Variants in TEKT4 observed in about 807,000 individuals in gnomAD.
TEKT4 encodes the protein tektin-4.
In TEKT4, 46 loss-of-function variants were observed where a neutral mutation model predicts 46.0. The ratio of observed to expected loss-of-function variants is 1.00; its 90% CI spans 0.79 to 1.28. TEKT4 has a LOEUF of 1.28. Ranked by LOEUF, TEKT4 falls within the 50% of genes most tolerant of loss-of-function variation. The pLI, the probability that TEKT4 is intolerant of heterozygous loss-of-function variation, is 0.00. For synonymous variants in TEKT4, 325 were observed against 265.8 expected, an observed-to-expected ratio of 1.22 and a Z score of -2.17; for missense variants, 790 against 622.9, an observed-to-expected ratio of 1.27 and a Z score of -2.85.
intron 1 of TEKT4, chr2:94,873,313 A>G: frequency 7.0e-7 from 1 of 1,422,922 alleles, no homozygotes. Context: ...GCCCTGGAGG[A>G]AAACACCCCA....
chr2:94,873,065 A>G, intron 1 of TEKT4: 2 of 1,275,076 alleles, frequency 1.6e-6, no homozygotes, highest in Non-Finnish European at 2.0e-6. Context: ...CCAGGCAATA[A>G]GAAGAAACAC....
intron 1 of TEKT4, chr2:94,872,826 C>CCTGCACT: frequency 2.3e-6 from 3 of 1,289,440 alleles, no homozygotes; most frequent in Non-Finnish European, 3.0e-6. Flanking sequence ...GGCCCTTCCC[C>CCTGCACT]CTGCACTCTC....
At chr2:94,872,264 C>G in intron 1 of TEKT4, 187 bp downstream of exon 1, 1 of 699,652 alleles carries the variant, frequency 1.4e-6, no homozygotes, top group Non-Finnish European at 2.3e-6. Flanking sequence ...CCAGAAGACC[C>G]CTGACTTCCA....
chr2:94,871,860 G>A lies in TEKT4; in HGVS notation c.281G>A (p.Arg94Gln), dbSNP rs199695568. ...GACTCCACGCGCACAGTGGGCGAGC[G>A]ACTGCAGGACACGCACAGCTGGAAG... ...QQDSTRTVGE[R>Q]LQDTHSWKSE... Residue 94 changes from arginine to glutamine, a missense_variant, in exon 1 of 6, where the codon CGA (arginine) becomes CAA (glutamine). By Grantham distance (43) the Arg-to-Gln change is conservative. Transcript: ENST00000295201. 158 of 1,602,020 alleles carry A rather than the reference G, an allele frequency of 9.9e-5. No individual in the cohort carries two copies. The highest frequency in any genetic ancestry group is 2.2e-4 in the East Asian group (10 of 44,694).
At position 94,874,024 on chromosome 2, in the gene TEKT4, A is replaced by G. The variant is rs782788671; in HGVS notation, c.629A>G (p.Tyr210Cys). Residue 210 changes from tyrosine to cysteine, a missense_variant, in exon 3 of 6, where the codon TAC (tyrosine) becomes TGC (cysteine). Transcript: ENST00000295201. Reference sequence around the variant, plus strand: ...GACTGGTCAGACAAGATGGAGGCCTACAACATCGACGAGACCTGCGGGCGC... The same window carrying G: ...GACTGGTCAGACAAGATGGAGGCCTGCAACATCGACGAGACCTGCGGGCGC... ...EMDWSDKMEA[Y>C]NIDETCGRHH... The G allele has an allele frequency of 6.2e-7, 1 of 1,613,854 alleles. No individual in the cohort carries two copies.
chr2:94,873,081 C>T (rs145803910), intron 1 of TEKT4: 2 of 1,258,714 alleles, frequency 1.6e-6, no homozygotes, highest in East Asian at 5.6e-5. Flanking sequence ...AACACAGGGT[C>T]CTTCTCCTGT....
chr2:94,873,193 C>T (rs1680656602), intron 1 of TEKT4: 1 of 1,252,118 alleles, frequency 8.0e-7, no homozygotes, highest in Non-Finnish European at 1.0e-6. Flanking sequence ...TGTCCAGAGG[C>T]CAAGGGCAGG....
intron 5 of TEKT4, 105 bp downstream of exon 5, chr2:94,875,847 G>C: frequency 8.3e-7 from 1 of 1,211,838 alleles, no homozygotes; most frequent in Non-Finnish European, 1.2e-6. Flanking sequence ...TCCCCCGCAG[G>C]TGCTGAGAGG....
rs1250849101 is a variant in TEKT4, at chr2:94,871,504, G to C, written c.-76G>C. 1 of 1,458,970 alleles carries C rather than the reference G, an allele frequency of 6.9e-7. No individual in the cohort carries two copies. The highest frequency in any genetic ancestry group is 9.0e-7 in the Non-Finnish European group (1 of 1,106,730). The allele number at this position is 1,458,970 out of a possible 1,614,324, so 90.4% of individuals were successfully genotyped here. A position where few individuals can be genotyped will look rare whatever the true frequency, so the allele number is the denominator to read the frequency against. On this transcript the variant is annotated 5_prime_UTR_variant, in exon 1 of 6. Transcript: ENST00000295201. Reference sequence around the variant, plus strand: ...ACTGAGCCGTTGGAGCTGCCCCGCTGACCGCACTAGGCTGACCGCAACCGG... The same window carrying C: ...ACTGAGCCGTTGGAGCTGCCCCGCTCACCGCACTAGGCTGACCGCAACCGG...
At chr2:94,873,908 G>A in intron 2 of TEKT4, 57 bp from the exon 3 acceptor site, 2 of 1,604,748 alleles carry the variant, frequency 1.2e-6, no homozygotes, top group South Asian at 1.1e-5. Flanking sequence ...AGCACAGAGG[G>A]TCCCCAGCAG....
At chr2:94,874,154 C>A (rs371595164) in intron 3 of TEKT4, 46 bp downstream of exon 3, 2 of 1,591,306 alleles carry the variant, frequency 1.3e-6, no homozygotes, top group Non-Finnish European at 1.7e-6. Flanking sequence ...TGTGGTCTCG[C>A]CTCCCTCTGC....
rs1181117685 is a variant in TEKT4 at position 94,872,044 on chromosome 2, C to T, written c.465C>T (p.Leu155=). Reference sequence around the variant, plus strand: ...GTGAGCGCCGCGAGCACCCCAACCTCGTGCGCGACCATGTGGAAACGGAGC... The same window carrying T: ...GTGAGCGCCGCGAGCACCCCAACCTTGTGCGCGACCATGTGGAAACGGAGC... The part of the protein sequence containing the change: ...QCRERREHPN[L]VRDHVETELL... The change falls in exon 1 of 6, where the codon CTC becomes CTT. Residue 155 remains leucine (L), a synonymous_variant. Coordinates refer to ENST00000295201, the MANE Select transcript of TEKT4 (RefSeq NM_144705.4). The T allele has an allele frequency of 1.2e-5, 18 of 1,555,068 alleles. No homozygotes were observed. The highest frequency in any genetic ancestry group is 1.4e-5 in the Non-Finnish European group (16 of 1,150,392).
At chr2:94,874,400 A>C (rs1553395673) in intron 3 of TEKT4, among the ~76,000 whole-genome samples, 1 of 151,960 alleles carries the variant, frequency 6.6e-6, no homozygotes, top group East Asian at 1.9e-4. Flanking sequence ...ACCACCGCCC[A>C]CTAGAGGGCG....
chr2:94,875,531 C>T, intron 4 of TEKT4, 57 bp from the exon 5 acceptor site: 2 of 1,605,872 alleles, frequency 1.2e-6, no homozygotes, highest in East Asian at 2.2e-5. Context: ...CTGGTCTCGG[C>T]GTTCTATATA....
intron 3 of TEKT4, 31 bp downstream of exon 3, chr2:94,874,139 CTGGCTGTG>C: frequency 6.2e-7 from 1 of 1,604,498 alleles, no homozygotes; most frequent in South Asian, 1.1e-5. Context: ...TGCACTTGCC[CTGGCTGTG>C]GTCTCGCCTC....
rs782762953 is a variant in TEKT4, at chr2:94,871,920, C to T, written c.341C>T (p.Ala114Val). 24 of 1,597,928 alleles carry T rather than the reference C, an allele frequency of 1.5e-5. No individual in the cohort carries two copies. The highest frequency in any genetic ancestry group is 6.7e-5 in the African/African-American group (5 of 74,946). ...ELQREMEALA[A>V]ETNLLLAQKQ... ...CAGCGTGAGATGGAGGCGCTGGCTG[C>T]GGAGACCAACTTGCTCCTGGCCCAG... Residue 114 changes from alanine to valine, a missense_variant, in exon 1 of 6, where the codon GCG becomes GTG. Transcript: ENST00000295201.
At chr2:94,874,288 C>A (rs1394496699) in intron 3 of TEKT4, among the ~76,000 whole-genome samples, 180 bp downstream of exon 3, 1 of 152,212 alleles carries the variant, frequency 6.6e-6, no homozygotes, top group African/African-American at 2.4e-5. Context: ...ATGTCCAGCG[C>A]GTGCACAGCC....
Position 94,876,801 on chromosome 2 carries a change from AAAT to A in TEKT4, c.*35_*37del. ...GCACGGTGCTTCCCCCCAGTCCCCC[AAAT>A]AAACAGCGCGTTAGCTTTCTGCACA... On this transcript the variant is annotated 3_prime_UTR_variant, in exon 6 of 6. Transcript: ENST00000295201. The A allele has an allele frequency of 1.3e-6, 2 of 1,585,942 alleles. No individual in the cohort carries two copies. The highest frequency in any genetic ancestry group is 1.7e-4 in the Middle Eastern group (1 of 6,032).
chr2:94,876,102 T>C (rs1680840393), intron 5 of TEKT4, among the ~76,000 whole-genome samples: 1 of 152,206 alleles, frequency 6.6e-6, no homozygotes. Context: ...CTGAGCGTGC[T>C]GTCCACACCT....
Sources: gnomAD v4.1 joint callset for allele counts (sites outside exome capture counted in the v4.1 genomes callset) on GRCh38, gnomAD v4.1.1 for gene constraint, MANE v1.5 for transcripts, NCBI Gene and HGNC (gene_info 2026-07-23, HGNC 2026-07-21) for gene names.